The following TMEM232 variants were observed in gnomAD, a reference collection of about 807,000 sequenced individuals.
The protein encoded by TMEM232 is transmembrane protein 232.
A neutral mutation model predicts 78.8 loss-of-function variants in TMEM232; 80 were observed. That is an observed-to-expected ratio of 1.01 (90% CI 0.85 to 1.22). The LOEUF is 1.22. TMEM232 is among the 50% of genes most tolerant of loss of function. The probability of loss-of-function intolerance (pLI) is 0.00; values close to 1 mark genes in which losing one functional copy is unlikely to be tolerated. For synonymous variants in TMEM232, 297 were observed against 254.3 expected (o/e 1.17, Z -1.60); for missense variants, 881 against 742.2 (o/e 1.19, Z -2.17).
intron 11 of TMEM232, among the ~76,000 whole-genome samples, chr5:110,533,843 CCACA>C (rs1561644768): frequency 6.6e-6 from 1 of 152,162 alleles, no homozygotes; most frequent in Non-Finnish European, 1.5e-5. Flanking sequence ...GGCCTAATCG[CCACA>C]CACCAGCAAA....
At chr5:110,676,507 G>A (rs534140115) in intron 1 of TMEM232, among the ~76,000 whole-genome samples, 1 of 151,538 alleles carries the variant, frequency 6.6e-6, no homozygotes, top group Non-Finnish European at 1.5e-5. Flanking sequence ...CTGGGCTTAA[G>A]CGATCCTCCC....
intron 2 of TMEM232, among the ~76,000 whole-genome samples, chr5:110,662,533 A>T (rs1342763893): frequency 6.6e-6 from 1 of 152,146 alleles, no homozygotes; most frequent in Non-Finnish European, 1.5e-5. Flanking sequence ...AATATGCAAG[A>T]TACCACTGAG....
intron 11 of TMEM232, among the ~76,000 whole-genome samples, chr5:110,529,474 T>C (rs543052870): frequency 1.6e-4 from 24 of 152,284 alleles, no homozygotes; most frequent in Admixed American, 3.9e-4. Flanking sequence ...CTTGAACTCC[T>C]GACCTCAGGT....
intron 1 of TMEM232, among the ~76,000 whole-genome samples, chr5:110,676,317 C>G (rs958893448): frequency 6.6e-6 from 1 of 151,040 alleles, no homozygotes; most frequent in African/African-American, 2.4e-5. Context: ...TAAGGTAGTT[C>G]TATTTTCAAT....
chr5:110,687,696 C>A (rs764409510), intron 1 of TMEM232, among the ~76,000 whole-genome samples: 5 of 152,030 alleles, frequency 3.3e-5, no homozygotes, highest in Non-Finnish European at 5.9e-5. Flanking sequence ...CTCTTTGTCT[C>A]TCTCTCTGTC....
downstream of TMEM232, among the ~76,000 whole-genome samples, chr5:110,416,540 T>C (rs1982813): frequency 0.025 from 3,859 of 152,294 alleles, 177 homozygotes; most frequent in African/African-American, 0.088. Flanking sequence ...GGATAACGTT[T>C]GAAAGCAACC....
chr5:110,690,191 G>A (rs1025946971), intron 1 of TMEM232, among the ~76,000 whole-genome samples: 3 of 152,148 alleles, frequency 2.0e-5, no homozygotes, highest in Non-Finnish European at 4.4e-5. Flanking sequence ...TCATCAGAGT[G>A]AACAGGCAAC....
intron 2 of TMEM232, among the ~76,000 whole-genome samples, chr5:110,403,053 T>G (rs1195808698): frequency 1.3e-5 from 2 of 151,978 alleles, no homozygotes; most frequent in Admixed American, 1.3e-4. Context: ...AGAAGACAAC[T>G]CACTTTGTAC....
At chr5:110,664,013 G>A (rs1228539130) in intron 2 of TMEM232, among the ~76,000 whole-genome samples, 2 of 151,946 alleles carry the variant, frequency 1.3e-5, no homozygotes, top group Admixed American at 1.3e-4. Context: ...GGTGACATGT[G>A]CCTGTGATTC....
At chr5:110,476,496 A>T (rs1763268884) in intron 12 of TMEM232, among the ~76,000 whole-genome samples, 1 of 152,064 alleles carries the variant, frequency 6.6e-6, no homozygotes, top group African/African-American at 2.4e-5. Context: ...TCAGTATCCC[A>T]TACTGATTTT....
chr5:110,713,164 A>G (rs1157089507), intron 1 of TMEM232, among the ~76,000 whole-genome samples: 1 of 152,068 alleles, frequency 6.6e-6, no homozygotes, highest in Admixed American at 6.6e-5. Context: ...GACAAACATC[A>G]CAGGTTTTCA....
intron 11 of TMEM232, among the ~76,000 whole-genome samples, chr5:110,542,490 G>C (rs1773256960): frequency 6.6e-6 from 1 of 152,052 alleles, no homozygotes; most frequent in Non-Finnish European, 1.5e-5. Flanking sequence ...CACCATCTTA[G>C]CCATCAAGAA....
At chr5:110,630,632 T>C (rs547915881) in intron 5 of TMEM232, among the ~76,000 whole-genome samples, 1 of 152,294 alleles carries the variant, frequency 6.6e-6, no homozygotes, top group African/African-American at 2.4e-5. Context: ...ACCATGATTA[T>C]AAGCTCCCTG....
At chr5:110,450,096 C>T (rs995339237) in intron 12 of TMEM232, among the ~76,000 whole-genome samples, 8 of 152,100 alleles carry the variant, frequency 5.3e-5, no homozygotes, top group Admixed American at 3.3e-4. Context: ...TCCTCTCTGT[C>T]TCCTGCTGCC....
At chr5:110,571,066 T>G (rs1205140801) in intron 10 of TMEM232, among the ~76,000 whole-genome samples, 1 of 152,040 alleles carries the variant, frequency 6.6e-6, no homozygotes, top group Non-Finnish European at 1.5e-5. Context: ...CTGGCTTCTA[T>G]CGAGACTCCT....
intron 1 of TMEM232, among the ~76,000 whole-genome samples, chr5:110,688,851 G>A (rs868451784): frequency 2.0e-5 from 3 of 152,240 alleles, no homozygotes; most frequent in African/African-American, 7.2e-5. Flanking sequence ...TGCCCACAGG[G>A]AAATTCCTGG....
intron 4 of TMEM232, among the ~76,000 whole-genome samples, chr5:110,388,488 T>C (rs77973948): frequency 0.014 from 2,118 of 152,276 alleles, 31 homozygotes; most frequent in African/African-American, 0.027. Context: ...AGAAAATGAT[T>C]TGGGGGTTGC....
intron 12 of TMEM232, among the ~76,000 whole-genome samples, chr5:110,498,696 A>C (rs921836900): frequency 6.6e-6 from 1 of 152,150 alleles, no homozygotes; most frequent in African/African-American, 2.4e-5. Flanking sequence ...CTAATACTCA[A>C]GGGGAAACTT....
At chr5:110,653,134 A>G (rs1009401820) in intron 2 of TMEM232, among the ~76,000 whole-genome samples, 5 of 152,252 alleles carry the variant, frequency 3.3e-5, no homozygotes, top group African/African-American at 1.2e-4. Flanking sequence ...GCCTGGCCTC[A>G]GGAAGTTCCC....
Sources: gnomAD v4.1 joint callset for allele counts (sites outside exome capture counted in the v4.1 genomes callset) on GRCh38, gnomAD v4.1.1 for gene constraint, MANE v1.5 for transcripts, NCBI Gene and HGNC (gene_info 2026-07-23, HGNC 2026-07-21) for gene names.